Variants in UCHL5 observed in about 807,000 individuals in gnomAD.
UCHL5 encodes ubiquitin carboxyl-terminal hydrolase isozyme L5.
Under a neutral mutation model 53.8 loss-of-function variants are expected in UCHL5, and 34 were observed. That is an observed-to-expected ratio of 0.63 (90% confidence interval 0.48 to 0.84). The LOEUF is 0.84. Among genes scored for constraint, UCHL5 ranks in the 40% least tolerant of loss-of-function variants. The pLI, the probability that UCHL5 is intolerant of heterozygous loss-of-function variation, is 0.00. For synonymous variants in UCHL5, 111 were observed against 126.3 expected, an observed-to-expected ratio of 0.88 and a Z score of 0.81; for missense variants, 290 against 385.6, an observed-to-expected ratio of 0.75 and a Z score of 2.08.
chr1:193,027,794 T>C, intron 7 of UCHL5: 1 of 727,888 alleles, frequency 1.4e-6, no homozygotes, highest in South Asian at 1.6e-5. Flanking sequence ...AGAGATTTTC[T>C]GAAATAGACT....
rs916377849 is a variant in UCHL5 at position 193,039,946 on chromosome 1, C to T, written c.246+9800G>A. ...TTCTGGGAAAACTGGATAACCATTG[C>T]AGAAAAAAGAAACTAGATCCCAGTG... On this transcript the variant is annotated intron_variant, in intron 3 of 10. Coordinates refer to ENST00000367454, the MANE Select transcript of UCHL5 (RefSeq NM_001199261.3). Among the ~76,000 whole-genome samples, 3 of 152,048 alleles carry T rather than the reference C, an allele frequency of 2.0e-5. No homozygotes were observed. In the East Asian group the frequency reaches 5.8e-4, roughly 29 times the overall value.
At chr1:193,028,559 A>C (rs534685533) in intron 6 of UCHL5, among the ~76,000 whole-genome samples, 1 of 152,280 alleles carries the variant, frequency 6.6e-6, no homozygotes, top group African/African-American at 2.4e-5. Flanking sequence ...AATTTAATGA[A>C]GTCAAAATAA....
intron 7 of UCHL5, among the ~76,000 whole-genome samples, chr1:193,026,459 A>C (rs1173130362): frequency 1.3e-5 from 2 of 152,228 alleles, no homozygotes; most frequent in Non-Finnish European, 2.9e-5. Flanking sequence ...GTCAAAAAAC[A>C]ATCCAATCAG....
chr1:193,049,900 A>C (rs759325826), intron 2 of UCHL5, 49 bp from the exon 3 acceptor site: 1 of 1,464,372 alleles, frequency 6.8e-7, no homozygotes. Flanking sequence ...CTTCTTTCAT[A>C]ATACATTGTT....
chr1:193,056,938 G>A (rs1375474696), intron 1 of UCHL5, among the ~76,000 whole-genome samples: 1 of 152,184 alleles, frequency 6.6e-6, no homozygotes, highest in African/African-American at 2.4e-5. Context: ...TTTTTCATAT[G>A]TGCATGTACA....
upstream of UCHL5, chr1:193,059,961 C>T (rs772044717): frequency 7.3e-7 from 1 of 1,366,460 alleles, no homozygotes; most frequent in Admixed American, 1.9e-5. This position sits in a 1 kb window ranked among gnomAD's most constrained non-coding sequence, Gnocchi z 4.9. Context: ...GAACCAGCAT[C>T]GCGGTAGGGA....
chr1:193,028,295 C>T, intron 6 of UCHL5, 147 bp from the exon 7 acceptor site: 1 of 577,162 alleles, frequency 1.7e-6, no homozygotes, highest in Non-Finnish European at 2.8e-6. Flanking sequence ...TATGTTGTTT[C>T]AATTCCATAA....
At chr1:193,040,957 A>G (rs1457273578) in intron 3 of UCHL5, among the ~76,000 whole-genome samples, 2 of 152,200 alleles carry the variant, frequency 1.3e-5, no homozygotes, top group African/African-American at 2.4e-5. Flanking sequence ...CAGGATAGAA[A>G]GTAGACTGAT....
intron 3 of UCHL5, among the ~76,000 whole-genome samples, chr1:193,044,464 C>A (rs188968040): frequency 2.0e-4 from 30 of 152,212 alleles, no homozygotes; most frequent in Middle Eastern, 3.4e-3. Flanking sequence ...ATCAAAATTT[C>A]ATTTCTGGAT....
chr1:193,020,254 G>A, intron 10 of UCHL5: 1 of 1,511,890 alleles, frequency 6.6e-7, no homozygotes, highest in African/African-American at 1.4e-5. Context: ...CAGCTTGGTT[G>A]AAATCAATCT....
Position 193,051,792 on chromosome 1 carries a change from T to G in UCHL5, c.102A>C (p.Glu34Asp). The G allele has an allele frequency of 6.2e-7, 1 of 1,600,282 alleles. No individual in the cohort carries two copies. Among genetic ancestry groups the G allele is most frequent in the Admixed American group, 1.7e-5 (1 of 58,300 alleles). ...GFGCRGAQVEEIWSLEPENFE... is the reference protein window; with the variant it reads ...GFGCRGAQVEDIWSLEPENFE... ...AATTCTCAGGCTCTAAACTCCATAT[T>G]TCTTCTACTTGGGCTCCTCGGCAAC... The change falls in exon 2 of 11, where the codon GAA becomes GAC. Residue 34 changes from glutamate (E) to aspartate (D), a missense_variant. By Grantham distance (45) the Glu-to-Asp change is conservative. Transcript: ENST00000367454.
At chr1:193,047,783 C>T (rs72738601) in intron 3 of UCHL5, among the ~76,000 whole-genome samples, 2,139 of 152,140 alleles carry the variant, frequency 0.014, 24 homozygotes, top group Middle Eastern at 0.034. Flanking sequence ...TTTGCCTTTT[C>T]CTCTTCTTTT....
chr1:193,037,940 T>C (rs1369082817), intron 3 of UCHL5, among the ~76,000 whole-genome samples: 2 of 141,902 alleles, frequency 1.4e-5, no homozygotes, highest in Admixed American at 1.4e-4. Flanking sequence ...GTAAGAGTCA[T>C]CCAGGGATGC....
intron 7 of UCHL5, among the ~76,000 whole-genome samples, chr1:193,027,372 A>G (rs765676411): frequency 4.6e-5 from 7 of 152,154 alleles, no homozygotes; most frequent in Non-Finnish European, 1.0e-4. Flanking sequence ...CTACAAAATA[A>G]CTGTCAATTA....
intron 1 of UCHL5, among the ~76,000 whole-genome samples, chr1:193,055,301 A>G (rs1571956430): frequency 6.6e-6 from 1 of 152,152 alleles, no homozygotes; most frequent in African/African-American, 2.4e-5. Context: ...GTGTCCCTAA[A>G]GGCAAAAGTT....
At chr1:193,045,704 C>T (rs1667122615) in intron 3 of UCHL5, among the ~76,000 whole-genome samples, 2 of 152,090 alleles carry the variant, frequency 1.3e-5, no homozygotes, top group South Asian at 2.1e-4. Context: ...TATACACAAA[C>T]ATACATGGGA....
intron 3 of UCHL5, among the ~76,000 whole-genome samples, chr1:193,045,734 A>G (rs1667130469): frequency 6.6e-6 from 1 of 152,242 alleles, no homozygotes; most frequent in Admixed American, 6.5e-5. Flanking sequence ...GTAAAAATAT[A>G]AATTGTTTTC....
chr1:193,025,997 A>G (rs1383291038), intron 7 of UCHL5, among the ~76,000 whole-genome samples: 1 of 151,400 alleles, frequency 6.6e-6, no homozygotes, highest in Non-Finnish European at 1.5e-5. Context: ...CCACACCAAT[A>G]TGCTCCATTT....
At chr1:193,058,206 G>A (rs1671368304) in intron 1 of UCHL5, among the ~76,000 whole-genome samples, 1 of 151,930 alleles carries the variant, frequency 6.6e-6, no homozygotes, top group South Asian at 2.1e-4. Flanking sequence ...CAGCCTGGGC[G>A]ACAGAGCGAG....
Sources: allele counts gnomAD v4.1 joint callset (sites outside exome capture counted in the v4.1 genomes callset), GRCh38; gene constraint gnomAD v4.1.1; non-coding constraint Gnocchi (gnomAD v3.1); transcripts MANE v1.5; gene names NCBI Gene and HGNC (gene_info 2026-07-23, HGNC 2026-07-21).